The following COL14A1 variants were observed in gnomAD, a reference collection of about 807,000 sequenced individuals.
The protein encoded by COL14A1 is collagen type XIV alpha 1 chain.
COL14A1 carries 136 observed loss-of-function variants against 230.3 expected under a neutral mutation model. The observed-to-expected ratio is 0.59, with a 90% CI of 0.51 to 0.68. COL14A1 has a LOEUF of 0.68. COL14A1 is among the 30% of genes least tolerant of loss of function. COL14A1 has a pLI of 0.00. For missense variants in COL14A1, 1,976 were observed against 2,215.8 expected, an observed-to-expected ratio of 0.89 and a Z score of 2.17; for synonymous variants, 792 against 784.1, an observed-to-expected ratio of 1.01 and a Z score of -0.17.
intron 26 of COL14A1, among the ~76,000 whole-genome samples, chr8:120,274,374 T>C (rs1819774343): frequency 6.6e-6 from 1 of 151,860 alleles, no homozygotes; most frequent in Non-Finnish European, 1.5e-5. Context: ...AAAATCATAC[T>C]GAATGGAAAA....
At chr8:120,216,575 G>T in intron 14 of COL14A1, 85 bp downstream of exon 14, 2 of 1,344,598 alleles carry the variant, frequency 1.5e-6, no homozygotes, top group Non-Finnish European at 2.0e-6. Flanking sequence ...TCAAAGCCTA[G>T]TGGCTTAAAA....
intron 11 of COL14A1, among the ~76,000 whole-genome samples, chr8:120,208,760 C>A (rs2130754248): frequency 6.6e-6 from 1 of 152,254 alleles, no homozygotes; most frequent in Middle Eastern, 3.4e-3. Flanking sequence ...TTACTGCTAT[C>A]TTTATTGTTC....
intron 5 of COL14A1, among the ~76,000 whole-genome samples, chr8:120,175,332 A>G (rs961519073): frequency 6.6e-6 from 1 of 152,242 alleles, no homozygotes; most frequent in Admixed American, 6.5e-5. Flanking sequence ...ACAAGAATGC[A>G]GAACCTGATT....
In COL14A1 at chr8:120,167,311, A is replaced by G. The variant is rs900089709; in HGVS notation, c.350-850A>G. On this transcript the variant is annotated intron_variant, in intron 4 of 47. Coordinates refer to ENST00000297848, the MANE Select transcript of COL14A1 (RefSeq NM_021110.4). ...TTCAGAGGAAATCATTGTTTCCCCTATGTAGCTTACCCTTTAATACATTTG... is the reference window on the plus strand; with the variant it reads ...TTCAGAGGAAATCATTGTTTCCCCTGTGTAGCTTACCCTTTAATACATTTG... 7.9e-5 allele frequency among the ~76,000 whole-genome samples: 12 copies of G among 151,678 alleles called. No individual in the cohort carries two copies. The East Asian group carries it at 1.4e-3, about 17-fold the overall frequency.
intron 19 of COL14A1, among the ~76,000 whole-genome samples, chr8:120,233,089 C>T (rs985633742): frequency 5.3e-5 from 8 of 152,078 alleles, no homozygotes; most frequent in African/African-American, 1.9e-4. Context: ...CTGTTAATAT[C>T]CTTCTCCCAC....
intron 24 of COL14A1, 92 bp downstream of exon 24, chr8:120,263,106 A>C: frequency 7.4e-7 from 1 of 1,360,088 alleles, no homozygotes; most frequent in Middle Eastern, 1.9e-4. Flanking sequence ...GAAAAATATT[A>C]GCTATTGCTG....
chr8:120,183,050 A>T (rs751938776), intron 5 of COL14A1, among the ~76,000 whole-genome samples: 2 of 152,154 alleles, frequency 1.3e-5, no homozygotes, highest in Non-Finnish European at 2.9e-5. Flanking sequence ...ATGTAAAAAT[A>T]TATAAAAGGA....
chr8:120,216,289 A>C (rs1005474054), intron 13 of COL14A1, 62 bp from the exon 14 acceptor site: 10 of 1,431,202 alleles, frequency 7.0e-6, no homozygotes, highest in Non-Finnish European at 9.6e-6. Context: ...CAAAGATGCA[A>C]TTTCTTTTTA....
intron 2 of COL14A1, among the ~76,000 whole-genome samples, chr8:120,150,069 C>A (rs1413134049): frequency 6.6e-6 from 1 of 152,084 alleles, no homozygotes; most frequent in Non-Finnish European, 1.5e-5. Context: ...CTAAATAAGA[C>A]CTATTTATTT....
chr8:120,158,046 T>A (rs1408781693), intron 2 of COL14A1, 84 bp from the exon 3 acceptor site: 5 of 722,882 alleles, frequency 6.9e-6, no homozygotes, highest in Non-Finnish European at 9.4e-6. Flanking sequence ...TGTGTATTTT[T>A]ATTATACTAC....
At chr8:120,341,298 T>C in intron 42 of COL14A1, 27 bp from the exon 43 acceptor site, 1 of 1,613,100 alleles carries the variant, frequency 6.2e-7, no homozygotes, top group Non-Finnish European at 8.5e-7. Flanking sequence ...ATATCATAAG[T>C]AACTTGACAA....
At chr8:120,289,825 T>C (rs1463676463) in intron 34 of COL14A1, 59 bp downstream of exon 34, 6 of 1,513,534 alleles carry the variant, frequency 4.0e-6, no homozygotes, top group Non-Finnish European at 4.5e-6. Flanking sequence ...TATTTTAAAG[T>C]ACATTAGCTA....
intron 19 of COL14A1, among the ~76,000 whole-genome samples, chr8:120,237,070 C>G (rs968870772): frequency 6.6e-6 from 1 of 152,034 alleles, no homozygotes; most frequent in Non-Finnish European, 1.5e-5. Context: ...TCATTTCAAC[C>G]TTGGTGAATC....
chr8:120,345,090 T>C (rs975217154), intron 44 of COL14A1, among the ~76,000 whole-genome samples: 1 of 152,124 alleles, frequency 6.6e-6, no homozygotes, highest in Non-Finnish European at 1.5e-5. Context: ...AGGGTAAAGA[T>C]GAAATTTACA....
At chr8:120,131,628 A>G (rs933795342) in intron 1 of COL14A1, among the ~76,000 whole-genome samples, 1 of 151,958 alleles carries the variant, frequency 6.6e-6, no homozygotes, top group Non-Finnish European at 1.5e-5. Flanking sequence ...TTGGGTCCAT[A>G]CTTTGCAAAT....
At chr8:120,172,559 A>G (rs530860244) in intron 5 of COL14A1, among the ~76,000 whole-genome samples, 7 of 152,104 alleles carry the variant, frequency 4.6e-5, no homozygotes, top group Admixed American at 6.6e-5. Flanking sequence ...TGTTCACAGC[A>G]TGTCTTAAGG....
chr8:120,201,482 C>T (rs1817246942), intron 8 of COL14A1, among the ~76,000 whole-genome samples: 3 of 152,108 alleles, frequency 2.0e-5, no homozygotes, highest in Non-Finnish European at 4.4e-5. Flanking sequence ...GGGCAGAAAG[C>T]TGACTGTTAA....
chr8:120,291,291 G>A (rs945270307), intron 34 of COL14A1, among the ~76,000 whole-genome samples: 2 of 152,116 alleles, frequency 1.3e-5, no homozygotes, highest in Non-Finnish European at 2.9e-5. Flanking sequence ...GCCGGGAGCA[G>A]TGCCTCACGC....
At chr8:120,177,801 A>C (rs1816333761) in intron 5 of COL14A1, among the ~76,000 whole-genome samples, 1 of 151,184 alleles carries the variant, frequency 6.6e-6, no homozygotes, top group East Asian at 1.9e-4. Flanking sequence ...AAAGAATGAA[A>C]AACCATGATA....
Sources: gnomAD v4.1 joint callset for allele counts (sites outside exome capture counted in the v4.1 genomes callset) on GRCh38, gnomAD v4.1.1 for gene constraint, MANE v1.5 for transcripts, NCBI Gene and HGNC (gene_info 2026-07-23, HGNC 2026-07-21) for gene names.